Variants in C8orf34 observed in about 807,000 individuals in gnomAD.
C8orf34 encodes the protein uncharacterized protein C8orf34.
A neutral mutation model predicts 68.3 loss-of-function variants in C8orf34; 65 were observed. The ratio of observed to expected loss-of-function variants is 0.95; its 90% CI spans 0.78 to 1.17. The LOEUF (loss-of-function observed/expected upper bound fraction) is 1.17. C8orf34 is among the 50% of genes most tolerant of loss of function. C8orf34 has a pLI of 0.00. For synonymous variants in C8orf34, 244 were observed against 241.2 expected, an observed-to-expected ratio of 1.01 and a Z score of -0.11; for missense variants, 664 against 655.4, an observed-to-expected ratio of 1.01 and a Z score of -0.14.
chr8:68,494,489 A>G (rs547913566), intron 5 of C8orf34, among the ~76,000 whole-genome samples: 131 of 152,316 alleles, frequency 8.6e-4, no homozygotes, highest in African/African-American at 2.8e-3. Flanking sequence ...AATAAACTTA[A>G]CATAGTTGAA....
intron 9 of C8orf34, among the ~76,000 whole-genome samples, chr8:68,720,942 T>G (rs1821653818): frequency 6.6e-6 from 1 of 151,878 alleles, no homozygotes; most frequent in Non-Finnish European, 1.5e-5. Flanking sequence ...CCATTCCATC[T>G]AAAAGAGAGA....
At chr8:68,563,762 A>G (rs897131424) in intron 7 of C8orf34, among the ~76,000 whole-genome samples, 6 of 152,130 alleles carry the variant, frequency 3.9e-5, no homozygotes, top group African/African-American at 1.4e-4. Context: ...TGTCCTCAAA[A>G]TTTTCATAGA....
At chr8:68,725,569 A>G (rs1195232904) in intron 10 of C8orf34, among the ~76,000 whole-genome samples, 1 of 152,196 alleles carries the variant, frequency 6.6e-6, no homozygotes, top group African/African-American at 2.4e-5. Context: ...TAAGTGCTTC[A>G]CATATTTTAT....
intron 6 of C8orf34, among the ~76,000 whole-genome samples, chr8:68,523,738 A>T (rs550007996): frequency 1.1e-4 from 17 of 152,280 alleles, no homozygotes; most frequent in South Asian, 8.3e-4. Context: ...ACCGCATTAG[A>T]TTTGATTTGG....
At chr8:68,764,576 G>A (rs1416169603) in intron 10 of C8orf34, among the ~76,000 whole-genome samples, 8 of 152,134 alleles carry the variant, frequency 5.3e-5, no homozygotes, top group African/African-American at 1.7e-4. Flanking sequence ...CCTGCCAAGT[G>A]TAAAATCTTG....
intron 1 of C8orf34, among the ~76,000 whole-genome samples, chr8:68,342,437 A>G (rs1004204486): frequency 1.4e-4 from 21 of 152,206 alleles, no homozygotes; most frequent in African/African-American, 4.6e-4. Context: ...CAAAGCACAC[A>G]TCTAACAAAT....
At chr8:68,400,391 C>G (rs542015310) in intron 1 of C8orf34, among the ~76,000 whole-genome samples, 1 of 151,988 alleles carries the variant, frequency 6.6e-6, no homozygotes, top group East Asian at 1.9e-4. Flanking sequence ...TGTGGCTATC[C>G]AATTTCCCCA....
At chr8:68,471,473 C>T (rs1470493360) in intron 4 of C8orf34, among the ~76,000 whole-genome samples, 2 of 152,120 alleles carry the variant, frequency 1.3e-5, no homozygotes, top group Non-Finnish European at 2.9e-5. Context: ...AGTCTAGTTG[C>T]CCAGAGTTTA....
chr8:68,423,084 A>T (rs1331677167), intron 1 of C8orf34, among the ~76,000 whole-genome samples: 1 of 152,194 alleles, frequency 6.6e-6, no homozygotes, highest in East Asian at 1.9e-4. Flanking sequence ...AGTCTCTGAC[A>T]TGCGCAGAGA....
intron 4 of C8orf34, among the ~76,000 whole-genome samples, chr8:68,470,510 C>A (rs1410203660): frequency 8.5e-5 from 13 of 152,090 alleles, no homozygotes; most frequent in Non-Finnish European, 1.0e-4. Flanking sequence ...ACTTTTGTAG[C>A]AGAAGTGTCA....
At chr8:68,542,692 T>G (rs914374078) in intron 7 of C8orf34, among the ~76,000 whole-genome samples, 1 of 152,192 alleles carries the variant, frequency 6.6e-6, no homozygotes, top group Non-Finnish European at 1.5e-5. Flanking sequence ...AGCTTTCAAC[T>G]GAGAGATAGA....
intron 6 of C8orf34, among the ~76,000 whole-genome samples, chr8:68,528,995 C>G (rs1490701901): frequency 6.6e-6 from 1 of 152,196 alleles, no homozygotes; most frequent in Admixed American, 6.5e-5. Context: ...GGTCCTTACT[C>G]TAAATCACCC....
At chr8:68,584,706 TTAAAA>T (rs1817158770) in intron 7 of C8orf34, among the ~76,000 whole-genome samples, 2 of 152,188 alleles carry the variant, frequency 1.3e-5, no homozygotes, top group Non-Finnish European at 2.9e-5. Flanking sequence ...AACATGGCTC[TTAAAA>T]TAAATCATGA....
At chr8:68,776,577 C>G in intron 11 of C8orf34, 128 bp downstream of exon 11, 1 of 651,716 alleles carries the variant, frequency 1.5e-6, no homozygotes, top group Non-Finnish European at 2.6e-6. Context: ...GTCATGTCCA[C>G]AAAAACAGGA....
At chr8:68,498,049 A>T (rs1370725812) in intron 5 of C8orf34, among the ~76,000 whole-genome samples, 1 of 151,838 alleles carries the variant, frequency 6.6e-6, no homozygotes, top group Non-Finnish European at 1.5e-5. Flanking sequence ...GCTGCTCTCG[A>T]CCTCCCGACC....
At chr8:68,589,051 C>T (rs1217912847) in intron 7 of C8orf34, among the ~76,000 whole-genome samples, 1 of 152,070 alleles carries the variant, frequency 6.6e-6, no homozygotes, top group Non-Finnish European at 1.5e-5. Flanking sequence ...ATTTGCTCAC[C>T]CTTGGACTAG....
chr8:68,499,727 C>T (rs1419428655), intron 5 of C8orf34, among the ~76,000 whole-genome samples: 2 of 152,114 alleles, frequency 1.3e-5, no homozygotes, highest in African/African-American at 2.4e-5. Context: ...TGGAAGATAC[C>T]ACCTGAACCA....
chr8:68,648,563 G>T (rs139626024), intron 8 of C8orf34, among the ~76,000 whole-genome samples: 4 of 152,110 alleles, frequency 2.6e-5, no homozygotes, highest in Non-Finnish European at 5.9e-5. Context: ...AGGGCATTCC[G>T]GGTGGTAAGA....
intron 1 of C8orf34, among the ~76,000 whole-genome samples, chr8:68,404,354 G>T (rs1413638472): frequency 6.6e-6 from 1 of 151,988 alleles, no homozygotes; most frequent in Non-Finnish European, 1.5e-5. Flanking sequence ...AGTTTCTTTT[G>T]CTGTGCAGAA....
Sources: gnomAD v4.1 joint callset for allele counts (sites outside exome capture counted in the v4.1 genomes callset) on GRCh38, gnomAD v4.1.1 for gene constraint, MANE v1.5 for transcripts, NCBI Gene and HGNC (gene_info 2026-07-23, HGNC 2026-07-21) for gene names.